KIF6: variants seen among roughly 807,000 people sequenced by gnomAD.
KIF6 encodes kinesin-like protein KIF6.
KIF6 carries 106 observed loss-of-function variants against 112.7 expected under a neutral mutation model. The ratio of observed to expected loss-of-function variants is 0.94; its 90% CI spans 0.80 to 1.11. The LOEUF is 1.11. Ranked by LOEUF, KIF6 falls within the 50% of genes least tolerant of loss-of-function variation. The probability of loss-of-function intolerance (pLI) is 0.00; values close to 1 mark genes in which losing one functional copy is unlikely to be tolerated. For missense variants in KIF6, 929 were observed against 964.0 expected (o/e 0.96, Z 0.48); for synonymous variants, 339 against 339.9 (o/e 1.00, Z 0.03).
rs1172278847 is a variant in KIF6 at position 39,343,308 on chromosome 6, TA to T, written c.2428+400del. ...CTCTTTGGCAAGAACCACACTCTGA[TA>T]GGGGAGTGAGACTTTAAGCCAGGGG... On this transcript the variant is annotated intron_variant, in intron 22 of 22. Coordinates refer to ENST00000287152, the MANE Select transcript of KIF6 (RefSeq NM_145027.6). This position sits in a 1 kb window ranked among gnomAD's most constrained non-coding sequence, Gnocchi z 4.1. The T allele has an allele frequency of 2.0e-5, 26 of 1,293,534 alleles. No individual in the cohort carries two copies. The highest frequency in any genetic ancestry group is 4.6e-5 in the Admixed American group (2 of 43,584). 80.1% of individuals were successfully genotyped at this position (1,293,534 alleles called of 1,614,324 possible).
At chr6:39,585,123 C>T (rs1343750167) in intron 8 of KIF6, 139 bp from the exon 9 acceptor site, 9 of 556,288 alleles carry the variant, frequency 1.6e-5, no homozygotes, top group African/African-American at 1.5e-4. Flanking sequence ...AGGAACTATG[C>T]CCCTAAATTA....
intron 13 of KIF6, among the ~76,000 whole-genome samples, chr6:39,524,899 C>A (rs1777618106): frequency 6.6e-6 from 1 of 152,206 alleles, no homozygotes; most frequent in Admixed American, 6.5e-5. Context: ...GCAACCTGAG[C>A]TCAAAATAAT....
At chr6:39,607,107 A>G (rs1782932147) in intron 6 of KIF6, among the ~76,000 whole-genome samples, 2 of 152,182 alleles carry the variant, frequency 1.3e-5, no homozygotes, top group African/African-American at 4.8e-5. Context: ...ATAGAGTAAA[A>G]GTGACTTTCA....
chr6:39,508,001 A>C (rs1582008753), intron 13 of KIF6, among the ~76,000 whole-genome samples: 1 of 99,394 alleles, frequency 1.0e-5, no homozygotes, highest in Non-Finnish European at 1.9e-5. Flanking sequence ...ACAACCCCAT[A>C]TCCCTCTCCC....
chr6:39,662,612 A>G (rs751110884), intron 3 of KIF6, among the ~76,000 whole-genome samples: 46 of 152,206 alleles, frequency 3.0e-4, no homozygotes, highest in Non-Finnish European at 6.0e-4. Flanking sequence ...CAATGTAAGA[A>G]GTCCTTTTAA....
At chr6:39,368,901 T>G (rs544201859) in intron 16 of KIF6, among the ~76,000 whole-genome samples, 1 of 152,116 alleles carries the variant, frequency 6.6e-6, no homozygotes, top group Non-Finnish European at 1.5e-5. Context: ...GAAGGGGAAG[T>G]GAGTTATGTG....
rs368962679 is a variant in KIF6 at position 39,362,405 on chromosome 6, G to A, written c.1946+29C>T. 2,357 of 1,570,750 alleles carry A rather than the reference G, an allele frequency of 1.5e-3. 2 individuals carry two copies. The highest frequency in any genetic ancestry group is 1.9e-3 in the Non-Finnish European group (2,212 of 1,141,390). On this transcript the variant is annotated intron_variant, in intron 17 of 22. Coordinates refer to ENST00000287152, the MANE Select transcript of KIF6 (RefSeq NM_145027.6). ...ACTGAGACCCTGGGAGGCTGGGCTC[G>A]GACTGTGTGTGGCTAAAAGGAAGGG...
intron 2 of KIF6, among the ~76,000 whole-genome samples, chr6:39,719,106 A>ATCAGAAGT (rs1457044307): frequency 3.3e-5 from 5 of 152,116 alleles, no homozygotes; most frequent in Non-Finnish European, 5.9e-5. Flanking sequence ...ATCACTTGAG[A>ATCAGAAGT]TCAGAAGTTC....
chr6:39,431,077 T>A lies in KIF6; in HGVS notation c.1730A>T (p.Asp577Val), dbSNP rs1185396153. 23 of 1,612,544 alleles carry A rather than the reference T, an allele frequency of 1.4e-5. No homozygotes were observed. Among genetic ancestry groups the A allele is most frequent in the Non-Finnish European group, 2.0e-5 (23 of 1,178,738 alleles). ...CCTCTGTTTCAGAATCTGTTTGTTG[T>A]CATCGATGGTAACGCTGTCAGCGTG... ...RDHADSVTID[D>V]NKQILKQRFS... Residue 577 changes from aspartate to valine, a missense_variant, in exon 14 of 23, where the codon GAC becomes GTC. This residue lies in a region of KIF6 where 241 missense variants were observed against 301.4 expected (regional missense o/e 0.80). Transcript: ENST00000287152.
In KIF6 at chr6:39,703,087, C is replaced by CGCA. The variant is rs1554151206; in HGVS notation, c.251+11604_251+11605insTGC. ...ACAAAATCCACCAACCCCCCACCCC[C>CGCA]ACTCCCGGCCACCAAGACAAAACAA... On this transcript the variant is annotated intron_variant, in intron 3 of 22. Transcript: ENST00000287152. Among the ~76,000 whole-genome samples the CGCA allele has an allele frequency of 1.8e-4, 14 of 76,592 alleles. 1 individual carries two copies. Among genetic ancestry groups the CGCA allele is most frequent in the Admixed American group, 1.4e-3 (8 of 5,732 alleles). The allele number at this position is 76,592 out of a possible 152,430, so 50.2% of individuals were successfully genotyped here.
intron 10 of KIF6, among the ~76,000 whole-genome samples, chr6:39,550,143 A>G (rs539860320): frequency 9.8e-5 from 15 of 152,352 alleles, no homozygotes; most frequent in African/African-American, 2.6e-4. Flanking sequence ...GTTTTAAAAA[A>G]TTCATCATTT....
chr6:39,539,863 T>A, intron 13 of KIF6, 140 bp downstream of exon 13: 1 of 659,468 alleles, frequency 1.5e-6, no homozygotes, highest in Non-Finnish European at 2.5e-6. Flanking sequence ...AAGTGGTATT[T>A]AATTTAAGAT....
At chr6:39,608,588 A>T (rs1374803406) in intron 6 of KIF6, among the ~76,000 whole-genome samples, 3 of 152,328 alleles carry the variant, frequency 2.0e-5, no homozygotes, top group African/African-American at 7.2e-5. Flanking sequence ...ATTTCAAGCA[A>T]AGAATTAGGT....
Position 39,604,333 on chromosome 6 carries a change from T to C in KIF6, c.640-8073A>G, listed in dbSNP as rs139268895. 2.0e-3 allele frequency among the ~76,000 whole-genome samples: 306 copies of C among 152,294 alleles called. 1 individual carries two copies. Among genetic ancestry groups the C allele is most frequent in the African/African-American group, 6.8e-3 (283 of 41,568 alleles). On this transcript the variant is annotated intron_variant, in intron 6 of 22. Coordinates refer to ENST00000287152, the MANE Select transcript of KIF6 (RefSeq NM_145027.6). ...ATTAAATGAATTGAATTAGGAAGCT[T>C]GCTATGCCCTTGATGTACTCTAACT...
chr6:39,650,525 CTT>C (rs1428206109), intron 3 of KIF6, among the ~76,000 whole-genome samples: 2 of 151,500 alleles, frequency 1.3e-5, no homozygotes, highest in Non-Finnish European at 2.9e-5. Context: ...ATTATTTTAT[CTT>C]ATTTACATTA....
intron 1 of KIF6, 80 bp downstream of exon 1, chr6:39,725,165 C>T: frequency 7.8e-7 from 1 of 1,277,684 alleles, no homozygotes; most frequent in South Asian, 1.2e-5. Flanking sequence ...TCACCTCCGC[C>T]CAGCCCCTTC....
intron 5 of KIF6, among the ~76,000 whole-genome samples, chr6:39,621,187 C>T (rs898457638): frequency 3.3e-4 from 46 of 139,982 alleles, no homozygotes; most frequent in African/African-American, 1.1e-3. Context: ...TAAATAACAC[C>T]GTAAGATAGA....
intron 19 of KIF6, among the ~76,000 whole-genome samples, chr6:39,346,814 A>T (rs541157436): frequency 6.6e-6 from 1 of 152,116 alleles, no homozygotes; most frequent in African/African-American, 2.4e-5. Context: ...CACCTGGCTA[A>T]TTTTTTGTAT....
At chr6:39,474,473 CTG>C (rs1774308514) in intron 13 of KIF6, among the ~76,000 whole-genome samples, 1 of 152,254 alleles carries the variant, frequency 6.6e-6, no homozygotes, top group African/African-American at 2.4e-5. Context: ...ACTAAGGTAA[CTG>C]GCACATAGTA....
Sources: gnomAD v4.1 joint callset for allele counts (sites outside exome capture counted in the v4.1 genomes callset) on GRCh38, gnomAD v4.1.1 for gene constraint, gnomAD v4.1.1 regional missense constraint, Gnocchi (gnomAD v3.1) non-coding constraint, MANE v1.5 for transcripts, NCBI Gene and HGNC (gene_info 2026-07-23, HGNC 2026-07-21) for gene names.